The following ZNF761 variants were observed in gnomAD, a reference collection of about 807,000 sequenced individuals.
ZNF761 encodes the protein zinc finger protein 761.
Under a neutral mutation model 59.9 loss-of-function variants are expected in ZNF761, and 43 were observed. The ratio of observed to expected loss-of-function variants is 0.72; its 90% CI spans 0.56 to 0.92. The LOEUF is 0.92. ZNF761 is among the 40% of genes least tolerant of loss of function. The probability of loss-of-function intolerance (pLI) is 0.00; values close to 1 mark genes in which losing one functional copy is unlikely to be tolerated. For synonymous variants in ZNF761, 294 were observed against 304.8 expected (o/e 0.96, Z 0.37); for missense variants, 850 against 906.1 (o/e 0.94, Z 0.79).
chr19:53,437,737 G>A (rs1158396722), intron 1 of ZNF761, among the ~76,000 whole-genome samples: 1 of 151,976 alleles, frequency 6.6e-6, no homozygotes, highest in Non-Finnish European at 1.5e-5. Flanking sequence ...TCTCTTCTTT[G>A]TACTTTATTT....
chr19:53,433,458 C>G lies in ZNF761; in HGVS notation c.-185+1430C>G, dbSNP rs925357079. Among the ~76,000 whole-genome samples, 47 of 38,178 alleles carry G rather than the reference C, an allele frequency of 1.2e-3. 1 individual carries two copies. Among genetic ancestry groups the G allele is most frequent in the African/African-American group, 8.0e-3 (36 of 4,494 alleles). The allele number at this position is 38,178 out of a possible 152,430, so 25.0% of individuals were successfully genotyped here. A position where few individuals can be genotyped will look rare whatever the true frequency, so the allele number is the denominator to read the frequency against. On this transcript the variant is annotated intron_variant, in intron 1 of 4. Transcript: ENST00000684525. ...GAGCCCATTTCTTTGGCTTCGACTT[C>G]GCCAAGTCGAGCTTGCTAGGCAGAG... is the stretch of plus-strand genomic sequence containing the variant.
chr19:53,445,040 G>A (rs2086141998), intron 1 of ZNF761: 1 of 150,010 alleles, frequency 6.7e-6, no homozygotes, highest in Non-Finnish European at 1.5e-5. Context: ...GAGTGCAATG[G>A]TGTGATCTCG....
chr19:53,438,600 A>G (rs1440680319), intron 1 of ZNF761, among the ~76,000 whole-genome samples: 1 of 152,170 alleles, frequency 6.6e-6, no homozygotes, highest in African/African-American at 2.4e-5. Context: ...TTGTGGCGTC[A>G]TATAACAGCT....
chr19:53,445,700 T>A (rs1318896932), intron 1 of ZNF761, among the ~76,000 whole-genome samples: 5 of 152,112 alleles, frequency 3.3e-5, no homozygotes, highest in African/African-American at 1.2e-4. Flanking sequence ...AAAAAAATTT[T>A]TTAAAAAAAC....
intron 1 of ZNF761, among the ~76,000 whole-genome samples, chr19:53,433,697 TCTGC>T (rs529807773): frequency 4.3e-4 from 65 of 152,306 alleles, no homozygotes; most frequent in African/African-American, 1.5e-3. Context: ...TGAGTGGTAG[TCTGC>T]CTGGTCGCAA....
At chr19:53,444,630 A>G (rs74220202) in intron 1 of ZNF761, 8,918 of 152,290 alleles carry the variant, frequency 0.059, 367 homozygotes, top group East Asian at 0.16. Flanking sequence ...GGTCCTCCGT[A>G]TGCTGAGCGC....
chr19:53,455,970 A>T lies in ZNF761; in HGVS notation c.1463A>T (p.His488Leu). ...KSNLERHRRI[H>L]TGEKPYKCNE... ...AACCTTGAAAGACATAGGAGAATTC[A>T]TACTGGAGAGAAACCATACAAGTGT... Residue 488 changes from histidine (H) to leucine (L), a missense_variant, in exon 5 of 5, where the codon CAT becomes CTT. Physicochemically the swap from His to Leu is moderately conservative, Grantham distance 99. Transcript: ENST00000684525. 1 of 1,613,910 alleles carries T rather than the reference A, an allele frequency of 6.2e-7. No individual in the cohort carries two copies. The highest frequency in any genetic ancestry group is 8.5e-7 in the Non-Finnish European group (1 of 1,179,920).
In ZNF761 at chr19:53,457,669, C is replaced by G. The variant is rs2086284010; in HGVS notation, c.*921C>G. 3 of 236,848 alleles carry G rather than the reference C, an allele frequency of 1.3e-5. No homozygotes were observed. In the South Asian group the frequency reaches 1.8e-4, roughly 14 times the overall value. The allele number at this position is 236,848 out of a possible 1,614,324, so 14.7% of individuals were successfully genotyped here. On this transcript the variant is annotated 3_prime_UTR_variant, in exon 5 of 5. Coordinates refer to ENST00000684525, the MANE Select transcript of ZNF761 (RefSeq NM_001289951.2). ...GTATTGACTTAACATTGAGTTCAAG[C>G]ATTAATTGACATTAGTGTTTATGTT...
chr19:53,453,061 G>A (rs369022980), intron 4 of ZNF761, among the ~76,000 whole-genome samples: 10 of 152,288 alleles, frequency 6.6e-5, no homozygotes, highest in African/African-American at 2.2e-4. Flanking sequence ...CAATGCACAG[G>A]TGCAATCTCG....
At position 53,457,590 on chromosome 19, in the gene ZNF761, C is replaced by T. The variant is rs1220404171; in HGVS notation, c.*842C>T. ...GTTGGTCCATATGCAATGAGTAGAG[C>T]AAACCATCAAGCATTAATTGACATT... On this transcript the variant is annotated 3_prime_UTR_variant, in exon 5 of 5. Coordinates refer to ENST00000684525, the MANE Select transcript of ZNF761 (RefSeq NM_001289951.2). The T allele has an allele frequency of 1.4e-5, 4 of 277,576 alleles. No individual in the cohort carries two copies. Among genetic ancestry groups the T allele is most frequent in the Non-Finnish European group, 2.9e-5 (4 of 138,054 alleles). The allele number at this position is 277,576 out of a possible 1,614,324, so 17.2% of individuals were successfully genotyped here.
At chr19:53,447,006 T>C in intron 2 of ZNF761, 190 bp from the exon 3 acceptor site, 1 of 355,654 alleles carries the variant, frequency 2.8e-6, no homozygotes, top group South Asian at 3.3e-5. Flanking sequence ...GCTCCCACTG[T>C]TGCAGCGTGT....
chr19:53,452,476 C>A (rs1357257717), intron 4 of ZNF761, among the ~76,000 whole-genome samples: 1 of 150,398 alleles, frequency 6.6e-6, no homozygotes, highest in Non-Finnish European at 1.5e-5. Flanking sequence ...AAGTAAGACT[C>A]GGGCTGAGGC....
At position 53,447,179 on chromosome 19, in the gene ZNF761, A is replaced by T; in HGVS notation, c.-73-17A>T. 6.5e-7 allele frequency: 1 copy of T among 1,530,566 alleles called. No individual in the cohort carries two copies. The highest frequency in any genetic ancestry group is 8.9e-7 in the Non-Finnish European group (1 of 1,121,638). The allele number at this position is 1,530,566 out of a possible 1,614,324, so 94.8% of individuals were successfully genotyped here. ...GTGTTGATTCTGAGCAATAAACAAC[A>T]TATTTCTAACATTCAGGATTGACTT... On this transcript the variant is annotated splice_polypyrimidine_tract_variant and intron_variant, in intron 2 of 4. Transcript: ENST00000684525.
chr19:53,457,507 A>C lies in ZNF761; in HGVS notation c.*759A>C. The C allele has an allele frequency of 7.8e-6, 3 of 386,866 alleles. No homozygotes were observed. Among genetic ancestry groups the C allele is most frequent in the South Asian group, 6.2e-5 (3 of 48,122 alleles). 24.0% of individuals were successfully genotyped at this position (386,866 alleles called of 1,614,324 possible). ...ATCTTACAAATGTCATCAATGTGCC[A>C]AGGTCTTCAGTCTGAGTTCACTCCT... On this transcript the variant is annotated 3_prime_UTR_variant, in exon 5 of 5. Transcript: ENST00000684525.
At chr19:53,440,796 T>C (rs1449596938) in intron 1 of ZNF761, among the ~76,000 whole-genome samples, 1 of 152,152 alleles carries the variant, frequency 6.6e-6, no homozygotes, top group Non-Finnish European at 1.5e-5. Flanking sequence ...CTACCTCAGC[T>C]TCCTGAGTAG....
intron 4 of ZNF761, chr19:53,450,115 C>T (rs538474284): frequency 0.026 from 7,001 of 273,076 alleles, 107 homozygotes; most frequent in Middle Eastern, 0.05. Flanking sequence ...CCAGCCCGGC[C>T]AACATGGTGA....
intron 1 of ZNF761, among the ~76,000 whole-genome samples, chr19:53,439,774 G>A (rs2086079732): frequency 1.3e-5 from 2 of 152,102 alleles, no homozygotes; most frequent in South Asian, 2.1e-4. Flanking sequence ...GTTCTAAGGC[G>A]ACTGGCATTG....
Position 53,454,668 on chromosome 19 carries a change from C to A in ZNF761, c.161C>A (p.Thr54Lys). Residue 54 changes from threonine (T) to lysine (K), a missense_variant, in exon 5 of 5, where the codon ACG becomes AAG. By Grantham distance (78) the Thr-to-Lys change is moderately conservative. Transcript: ENST00000684525. ...TTTGTAGATATCTCTTCCAAATGCA[C>A]GATGAAGGAGTTCTTGTCAACAGCG... ...LVSLDISSKC[T>K]MKEFLSTAQG... 6.3e-7 allele frequency: 1 copy of A among 1,597,892 alleles called. No individual in the cohort carries two copies. Among genetic ancestry groups the A allele is most frequent in the South Asian group, 1.1e-5 (1 of 88,282 alleles).
chr19:53,447,534 G>A (rs2086173771), intron 3 of ZNF761, among the ~76,000 whole-genome samples: 1 of 152,100 alleles, frequency 6.6e-6, no homozygotes, highest in African/African-American at 2.4e-5. Context: ...ATGGAGACGG[G>A]GTGAGGGTCC....
Sources: gnomAD v4.1 joint callset for allele counts (sites outside exome capture counted in the v4.1 genomes callset) on GRCh38, gnomAD v4.1.1 for gene constraint, MANE v1.5 for transcripts, NCBI Gene and HGNC (gene_info 2026-07-23, HGNC 2026-07-21) for gene names.